The following FNDC3A variants were observed in gnomAD, a reference collection of about 807,000 sequenced individuals.
FNDC3A encodes fibronectin type-III domain-containing protein 3A.
Under a neutral mutation model 148.9 loss-of-function variants are expected in FNDC3A, and 32 were observed. The ratio of observed to expected loss-of-function variants is 0.21; its 90% CI spans 0.16 to 0.29. The LOEUF (loss-of-function observed/expected upper bound fraction) is 0.29. FNDC3A is among the 10% of genes least tolerant of loss of function. FNDC3A has a pLI of 1.00. For missense variants in FNDC3A, 1,191 were observed against 1,452.8 expected, an observed-to-expected ratio of 0.82 and a Z score of 2.93; for synonymous variants, 472 against 473.6, an observed-to-expected ratio of 1.00 and a Z score of 0.04.
rs1317614879 is a variant in FNDC3A at position 49,070,892 on chromosome 13, T to TG, written c.100-4397_100-4396insG. On this transcript the variant is annotated intron_variant, in intron 2 of 25. Coordinates refer to ENST00000492622, the MANE Select transcript of FNDC3A (RefSeq NM_001079673.2). ...AGATAACAGGATTTCTTTTTTTTTT[T>TG]TGTTTTGTTTTTTTTCTTTTTTTTG... is the stretch of plus-strand genomic sequence containing the variant. Among the ~76,000 whole-genome samples, 11 of 144,378 alleles carry TG rather than the reference T, an allele frequency of 7.6e-5. No individual in the cohort carries two copies. In the South Asian group the frequency reaches 1.4e-3, roughly 18 times the overall value. 94.7% of individuals were successfully genotyped at this position (144,378 alleles called of 152,430 possible). A position where few individuals can be genotyped will look rare whatever the true frequency, so the allele number is the denominator to read the frequency against.
At chr13:49,050,211 C>T (rs117423279) in intron 2 of FNDC3A, among the ~76,000 whole-genome samples, 1 of 152,058 alleles carries the variant, frequency 6.6e-6, no homozygotes, top group Non-Finnish European at 1.5e-5. Flanking sequence ...TTTTCCAGTT[C>T]CATGAGGTGT....
chr13:49,122,546 G>A (rs1566265054), intron 4 of FNDC3A, among the ~76,000 whole-genome samples: 2 of 152,148 alleles, frequency 1.3e-5, no homozygotes, highest in Non-Finnish European at 2.9e-5. Flanking sequence ...TAGGAAGAGA[G>A]GAAGTCAAAT....
chr13:49,077,169 G>A (rs1335373271), intron 3 of FNDC3A, among the ~76,000 whole-genome samples: 1 of 152,194 alleles, frequency 6.6e-6, no homozygotes, highest in East Asian at 1.9e-4. Context: ...AACTACTCGA[G>A]AGATAAGGTT....
chr13:49,178,910 A>G (rs1393317116), intron 14 of FNDC3A, among the ~76,000 whole-genome samples: 1 of 152,078 alleles, frequency 6.6e-6, no homozygotes. Context: ...CTTATTTTGT[A>G]GAGACGAGGT....
chr13:49,028,286 G>T lies in FNDC3A; in HGVS notation c.99+21997G>T, dbSNP rs548752199. On this transcript the variant is annotated intron_variant, in intron 2 of 25. Coordinates refer to ENST00000492622, the MANE Select transcript of FNDC3A (RefSeq NM_001079673.2). Reference sequence around the variant, plus strand: ...CACTCTTTATTTTTTAAGAGACAGGGTCTTGCTCTATCACCAGGCTGAAGT... The same window carrying T: ...CACTCTTTATTTTTTAAGAGACAGGTTCTTGCTCTATCACCAGGCTGAAGT... Among the ~76,000 whole-genome samples, 12 of 152,158 alleles carry T rather than the reference G, an allele frequency of 7.9e-5. No individual in the cohort carries two copies. In the South Asian group the frequency reaches 1.9e-3, roughly 24 times the overall value.
chr13:49,052,455 T>C (rs1356634447), intron 2 of FNDC3A, among the ~76,000 whole-genome samples: 3 of 152,184 alleles, frequency 2.0e-5, no homozygotes, highest in Non-Finnish European at 4.4e-5. Flanking sequence ...CTTCTGGGTC[T>C]AGCCACTCAG....
At chr13:49,190,538 A>G (rs1269262481) in intron 17 of FNDC3A, among the ~76,000 whole-genome samples, 5 of 152,208 alleles carry the variant, frequency 3.3e-5, no homozygotes, top group Admixed American at 6.5e-5. Context: ...TAAATAAATC[A>G]GTGTTTAGGT....
chr13:48,987,169 A>G (rs985342486), intron 1 of FNDC3A, among the ~76,000 whole-genome samples: 2 of 152,242 alleles, frequency 1.3e-5, no homozygotes, highest in Non-Finnish European at 2.9e-5. Context: ...GGAAGTGAAA[A>G]TAGGATTGTC....
Position 49,085,317 on chromosome 13 carries a change from A to C in FNDC3A, c.175+9953A>C, listed in dbSNP as rs116413900. 7.2e-4 allele frequency among the ~76,000 whole-genome samples: 110 copies of C among 152,344 alleles called. 1 individual carries two copies. The highest frequency in any genetic ancestry group is 2.6e-3 in the African/African-American group (107 of 41,574). ...CTCATGGTAAGTTATTTGCCTTGCA[A>C]AAGTTGGAGCTCCTGGCCTTGTCCT... On this transcript the variant is annotated intron_variant, in intron 3 of 25. Transcript: ENST00000492622.
At chr13:49,071,307 T>G (rs1408652585) in intron 2 of FNDC3A, among the ~76,000 whole-genome samples, 1 of 152,182 alleles carries the variant, frequency 6.6e-6, no homozygotes, top group African/African-American at 2.4e-5. Flanking sequence ...TTCCATATCT[T>G]GGCTACTGTG....
chr13:49,064,981 G>GA (rs1182472412), intron 2 of FNDC3A, among the ~76,000 whole-genome samples: 1 of 152,140 alleles, frequency 6.6e-6, no homozygotes, highest in African/African-American at 2.4e-5. Context: ...TTGTATGAGT[G>GA]AAAAAATCCA....
chr13:49,178,335 A>G (rs1346237380), intron 13 of FNDC3A, among the ~76,000 whole-genome samples: 3 of 152,174 alleles, frequency 2.0e-5, no homozygotes, highest in East Asian at 1.9e-4. Context: ...CTTGGCTACT[A>G]TATTTACTGA....
chr13:49,133,988 C>G (rs1882183294), intron 5 of FNDC3A, among the ~76,000 whole-genome samples: 2 of 151,882 alleles, frequency 1.3e-5, no homozygotes, highest in Non-Finnish European at 2.9e-5. Context: ...AACTTTTTGT[C>G]GAGATATAAT....
Position 49,145,881 on chromosome 13 carries a change from A to T in FNDC3A, c.923A>T (p.Tyr308Phe). 6.2e-7 allele frequency: 1 copy of T among 1,612,996 alleles called. No individual in the cohort carries two copies. Among genetic ancestry groups the T allele is most frequent in the Non-Finnish European group, 8.5e-7 (1 of 1,179,108 alleles). ...AGTAGTGTACCAGAGCTCTATGGTT[A>T]TGAAGTTCTGATCTCAAGTACTGGA... Reference protein sequence around the residue: ...DESSVPELYGYEVLISSTGKD... With the variant: ...DESSVPELYGFEVLISSTGKD... Residue 308 changes from tyrosine (Y) to phenylalanine (F), a missense_variant, in exon 8 of 26, where the codon TAT (tyrosine) becomes TTT (phenylalanine). Transcript: ENST00000492622.
intron 3 of FNDC3A, among the ~76,000 whole-genome samples, chr13:49,076,159 A>T (rs1878097615): frequency 6.6e-6 from 1 of 152,020 alleles, no homozygotes; most frequent in South Asian, 2.1e-4. Context: ...CTGGCTTTGG[A>T]ATTAGAGAGA....
intron 1 of FNDC3A, chr13:48,976,972 T>A (rs1951615906): frequency 6.6e-6 from 1 of 152,272 alleles, no homozygotes; most frequent in African/African-American, 2.4e-5. Flanking sequence ...GAAGAGGGAC[T>A]GTTTTAATGG....
chr13:49,018,988 A>C (rs190256314), intron 2 of FNDC3A, among the ~76,000 whole-genome samples: 4,445 of 150,256 alleles, frequency 0.03, 120 homozygotes, highest in East Asian at 0.15. Flanking sequence ...TGCTGGGAGA[A>C]CCACTGCTCT....
At chr13:48,986,395 T>TTTG (rs2137555636) in intron 1 of FNDC3A, among the ~76,000 whole-genome samples, 1 of 114,836 alleles carries the variant, frequency 8.7e-6, no homozygotes, top group Non-Finnish European at 1.8e-5. Context: ...GTTTTTTTTT[T>TTTG]TTTTTTTTTT....
At chr13:49,121,536 C>CA (rs1324082102) in intron 4 of FNDC3A, among the ~76,000 whole-genome samples, 3 of 151,866 alleles carry the variant, frequency 2.0e-5, no homozygotes, top group Non-Finnish European at 2.9e-5. Context: ...ATAAACCCTT[C>CA]AAAAAAATCA....
Sources: allele counts gnomAD v4.1 joint callset (sites outside exome capture counted in the v4.1 genomes callset), GRCh38; gene constraint gnomAD v4.1.1; transcripts MANE v1.5; gene names NCBI Gene and HGNC (gene_info 2026-07-23, HGNC 2026-07-21).